Variants in RASGRF2 observed in about 807,000 individuals in gnomAD.
The protein encoded by RASGRF2 is Ras protein specific guanine nucleotide releasing factor 2, also known as ras-specific guanine nucleotide-releasing factor 2.
A neutral mutation model predicts 151.0 loss-of-function variants in RASGRF2; 76 were observed. The observed-to-expected ratio is 0.50, with a 90% CI of 0.42 to 0.61. The LOEUF is 0.61. Ranked by LOEUF, RASGRF2 falls within the 20% of genes least tolerant of loss-of-function variation. The probability of loss-of-function intolerance (pLI) is 0.00; values close to 1 mark genes in which losing one functional copy is unlikely to be tolerated. For missense variants in RASGRF2, 1,148 were observed against 1,564.6 expected, an observed-to-expected ratio of 0.73 and a Z score of 4.49; for synonymous variants, 504 against 566.5, an observed-to-expected ratio of 0.89 and a Z score of 1.57.
intron 15 of RASGRF2, among the ~76,000 whole-genome samples, chr5:81,121,710 T>G (rs26895): frequency 0.25 from 38,008 of 152,104 alleles, 5,297 homozygotes; most frequent in Middle Eastern, 0.39. Context: ...CAACCCCAGG[T>G]GCTTCTACAA....
chr5:81,063,064 T>C (rs1477366744), intron 2 of RASGRF2, among the ~76,000 whole-genome samples: 3 of 152,238 alleles, frequency 2.0e-5, no homozygotes, highest in South Asian at 2.1e-4. Context: ...GACAGCATGA[T>C]TCTCACTTCC....
At chr5:81,103,851 T>C (rs1453364970) in intron 12 of RASGRF2, among the ~76,000 whole-genome samples, 8 of 152,146 alleles carry the variant, frequency 5.3e-5, no homozygotes, top group Admixed American at 2.0e-4. Context: ...CTAAATAAAC[T>C]GTAATTTATG....
chr5:81,160,545 G>A (rs983194132), intron 17 of RASGRF2, among the ~76,000 whole-genome samples: 5 of 151,880 alleles, frequency 3.3e-5, no homozygotes, highest in Non-Finnish European at 5.9e-5. Flanking sequence ...GGTGGCAGGC[G>A]CCTGTAATCC....
intron 17 of RASGRF2, among the ~76,000 whole-genome samples, chr5:81,145,648 G>C (rs1401471650): frequency 2.0e-5 from 3 of 152,068 alleles, no homozygotes; most frequent in Non-Finnish European, 4.4e-5. Flanking sequence ...AGTCGCACAG[G>C]GGAAAAAACT....
intron 18 of RASGRF2, among the ~76,000 whole-genome samples, chr5:81,191,940 C>T (rs1272097653): frequency 6.6e-6 from 1 of 152,090 alleles, no homozygotes; most frequent in Non-Finnish European, 1.5e-5. Flanking sequence ...TGCCATTTGC[C>T]GCTTCCCAGT....
intron 1 of RASGRF2, among the ~76,000 whole-genome samples, chr5:80,990,634 A>G (rs1240037418): frequency 1.3e-5 from 2 of 152,036 alleles, no homozygotes; most frequent in East Asian, 3.8e-4. Flanking sequence ...CCAGTGCCCC[A>G]CTGGGCTCCT....
intron 2 of RASGRF2, among the ~76,000 whole-genome samples, chr5:81,050,760 C>T (rs989822952): frequency 2.0e-5 from 3 of 152,134 alleles, no homozygotes; most frequent in Admixed American, 6.5e-5. Context: ...CTTCTTATTT[C>T]GCTCGAAGCA....
chr5:81,089,340 G>GT (rs1752328447), intron 9 of RASGRF2, among the ~76,000 whole-genome samples: 1 of 151,564 alleles, frequency 6.6e-6, no homozygotes, highest in Non-Finnish European at 1.5e-5. Context: ...CTATGTGCGT[G>GT]TGTGTGTGTG....
intron 1 of RASGRF2, 147 bp downstream of exon 1, chr5:80,961,173 T>TGTGG: frequency 1.1e-6 from 1 of 899,262 alleles, no homozygotes; most frequent in Non-Finnish European, 1.6e-6. Flanking sequence ...GCGGGACATC[T>TGTGG]CCACGCTCCT....
intron 9 of RASGRF2, chr5:81,087,516 G>C: frequency 3.3e-6 from 2 of 600,488 alleles, no homozygotes; most frequent in South Asian, 4.0e-5. Context: ...TGTCGTGTTT[G>C]CGAAGTGTGC....
At chr5:81,212,957 C>T (rs1194644740) in intron 23 of RASGRF2, among the ~76,000 whole-genome samples, 1 of 152,218 alleles carries the variant, frequency 6.6e-6, no homozygotes, top group East Asian at 1.9e-4. Flanking sequence ...TCACCTTTCT[C>T]TTGCTCATTC....
chr5:81,064,785 C>CT (rs1751546428), intron 2 of RASGRF2, among the ~76,000 whole-genome samples: 1 of 152,156 alleles, frequency 6.6e-6, no homozygotes, highest in Admixed American at 6.5e-5. Flanking sequence ...CAGCTGGAAA[C>CT]TGTTACTGGC....
intron 1 of RASGRF2, among the ~76,000 whole-genome samples, chr5:81,008,626 C>A (rs779430483): frequency 6.6e-6 from 1 of 152,124 alleles, no homozygotes; most frequent in Non-Finnish European, 1.5e-5. Flanking sequence ...ATGACACTTT[C>A]AAAAATAAGA....
At chr5:81,002,789 T>C (rs1749119929) in intron 1 of RASGRF2, among the ~76,000 whole-genome samples, 1 of 152,214 alleles carries the variant, frequency 6.6e-6, no homozygotes, top group South Asian at 2.1e-4. Flanking sequence ...TATTTGATAA[T>C]AGGGTTATTT....
At chr5:81,118,869 C>T (rs1455490251) in intron 15 of RASGRF2, among the ~76,000 whole-genome samples, 1 of 152,236 alleles carries the variant, frequency 6.6e-6, no homozygotes, top group East Asian at 1.9e-4. Flanking sequence ...AAACACAATT[C>T]ACTCAAGTTC....
chr5:80,990,227 T>A (rs1204718899), intron 1 of RASGRF2, among the ~76,000 whole-genome samples: 1 of 146,982 alleles, frequency 6.8e-6, no homozygotes, highest in Non-Finnish European at 1.5e-5. Context: ...TGTTTTTTTT[T>A]TTTTTATTTT....
chr5:81,193,035 C>T (rs1018122734), intron 18 of RASGRF2, among the ~76,000 whole-genome samples: 1 of 152,074 alleles, frequency 6.6e-6, no homozygotes, highest in African/African-American at 2.4e-5. Context: ...GATTTTAATC[C>T]ACTCTGCAGT....
At chr5:81,196,370 C>T (rs1008123773) in intron 18 of RASGRF2, among the ~76,000 whole-genome samples, 8 of 152,194 alleles carry the variant, frequency 5.3e-5, no homozygotes, top group Non-Finnish European at 7.4e-5. Context: ...CCATTTCATA[C>T]TCCACTATCA....
intron 17 of RASGRF2, among the ~76,000 whole-genome samples, chr5:81,160,682 A>AAAT (rs531513005): frequency 0.091 from 12,621 of 138,372 alleles, 686 homozygotes; most frequent in African/African-American, 0.14. Context: ...TCTGTCTCAA[A>AAAT]AATAATAATA....
Sources: gnomAD v4.1 joint callset for allele counts (sites outside exome capture counted in the v4.1 genomes callset) on GRCh38, gnomAD v4.1.1 for gene constraint, MANE v1.5 for transcripts, NCBI Gene and HGNC (gene_info 2026-07-23, HGNC 2026-07-21) for gene names.